Variants in STAB2 observed in about 807,000 individuals in gnomAD.
The protein encoded by STAB2 is stabilin 2, also known as stabilin-2.
Under a neutral mutation model 338.1 loss-of-function variants are expected in STAB2, and 288 were observed. That is an observed-to-expected ratio of 0.85 (90% confidence interval 0.77 to 0.94). The LOEUF (loss-of-function observed/expected upper bound fraction) is 0.94. Among genes scored for constraint, STAB2 ranks in the 40% least tolerant of loss-of-function variants. The probability of loss-of-function intolerance (pLI) is 0.00; values close to 1 mark genes in which losing one functional copy is unlikely to be tolerated. For synonymous variants in STAB2, 1,202 were observed against 1,193.3 expected (o/e 1.01, Z -0.15); for missense variants, 3,141 against 3,210.1 (o/e 0.98, Z 0.52).
chr12:103,706,773 C>T lies in STAB2; in HGVS notation c.3997-19C>T. ...CAGAGGATAGAAGTGCGTTGTCAAGCTTTGTCCTTCTGTTTCAGACGAGAG... is the reference window on the plus strand; with the variant it reads ...CAGAGGATAGAAGTGCGTTGTCAAGTTTTGTCCTTCTGTTTCAGACGAGAG... On this transcript the variant is annotated intron_variant, in intron 37 of 68. Coordinates refer to ENST00000388887, the MANE Select transcript of STAB2 (RefSeq NM_017564.10). The T allele has an allele frequency of 6.2e-7, 1 of 1,614,132 alleles. No individual in the cohort carries two copies. The highest frequency in any genetic ancestry group is 8.5e-7 in the Non-Finnish European group (1 of 1,179,980).
chr12:103,677,451 A>G lies in STAB2; in HGVS notation c.2647-2A>G. On this transcript the variant is annotated splice_acceptor_variant, in intron 24 of 68. Coordinates refer to ENST00000388887, the MANE Select transcript of STAB2 (RefSeq NM_017564.10). LOFTEE classifies it high-confidence loss of function. ...GCTTTGCTTTTTCTTTTCCTCCTGC[A>G]GGCAGAATGCATCAAAACTGGCACG... The G allele has an allele frequency of 1.2e-6, 2 of 1,604,112 alleles. No homozygotes were observed. The highest frequency in any genetic ancestry group is 1.7e-6 in the Non-Finnish European group (2 of 1,171,666).
chr12:103,598,440 A>C (rs890200560), intron 3 of STAB2, among the ~76,000 whole-genome samples: 1 of 152,230 alleles, frequency 6.6e-6, no homozygotes, highest in Non-Finnish European at 1.5e-5. Context: ...GTGGTGACCC[A>C]AGGAAATGTG....
rs1207214325 is a variant in STAB2 at position 103,658,307 on chromosome 12, G to A, written c.1735-2024G>A. Reference sequence around the variant, plus strand: ...GCCCTCATAAAAGAAAGAATGTGTCGCACCAAAAGGCTCTTCAACAACGAC... The same window carrying A: ...GCCCTCATAAAAGAAAGAATGTGTCACACCAAAAGGCTCTTCAACAACGAC... On this transcript the variant is annotated intron_variant, in intron 15 of 68. Transcript: ENST00000388887. Among the ~76,000 whole-genome samples the A allele has an allele frequency of 5.3e-5, 8 of 152,080 alleles. No individual in the cohort carries two copies. In the South Asian group the frequency reaches 8.3e-4, roughly 16 times the overall value.
chr12:103,604,290 G>A (rs1956994852), intron 3 of STAB2, among the ~76,000 whole-genome samples: 2 of 152,008 alleles, frequency 1.3e-5, no homozygotes, highest in Non-Finnish European at 2.9e-5. Context: ...AAAATTTTGT[G>A]TCTGTACTCA....
At position 103,660,359 on chromosome 12, in the gene STAB2, G is replaced by A. The variant is rs762732219; in HGVS notation, c.1763G>A (p.Arg588Lys). The change falls in exon 16 of 69, where the codon AGA becomes AAA. Residue 588 changes from arginine (R) to lysine (K), a missense_variant. Arg to Lys is a conservative substitution (Grantham distance 26). Transcript: ENST00000388887. ...TCTCGGAAGCTTCTGGAACTCGTCA[G>A]ATACCACATTGTCCCATTTACCCAG... ...EGSRKLLELV[R>K]YHIVPFTQLE... The A allele has an allele frequency of 1.9e-6, 3 of 1,614,184 alleles. No individual in the cohort carries two copies. In the Admixed American group the frequency reaches 5.0e-5, roughly 27 times the overall value.
chr12:103,723,585 GC>G (rs1880941071), intron 44 of STAB2, among the ~76,000 whole-genome samples: 1 of 152,232 alleles, frequency 6.6e-6, no homozygotes, highest in African/African-American at 2.4e-5. Context: ...AAAAGTGCAA[GC>G]ATCTGTGTAC....
At chr12:103,655,702 T>C in intron 15 of STAB2, 121 bp downstream of exon 15, 1 of 1,213,100 alleles carries the variant, frequency 8.2e-7, no homozygotes, top group Non-Finnish European at 1.1e-6. Context: ...CCACCTACCC[T>C]CCAACAACCA....
chr12:103,764,928 T>C (rs1350505683), intron 68 of STAB2, among the ~76,000 whole-genome samples: 1 of 118,540 alleles, frequency 8.4e-6, no homozygotes, highest in Non-Finnish European at 1.8e-5. Context: ...TGAAATCCCA[T>C]GTCTACTAAA....
chr12:103,666,242 G>T (rs2138791025), intron 18 of STAB2, 49 bp from the exon 19 acceptor site: 1 of 1,578,288 alleles, frequency 6.3e-7, no homozygotes, highest in Non-Finnish European at 8.7e-7. Flanking sequence ...CATCGCCACT[G>T]CTCCCTCTCA....
intron 3 of STAB2, among the ~76,000 whole-genome samples, chr12:103,600,896 G>A (rs150097843): frequency 1.4e-4 from 11 of 78,492 alleles, no homozygotes; most frequent in African/African-American, 1.1e-3. Flanking sequence ...TCCTGTCCTG[G>A]CTAAATTTTA....
intron 35 of STAB2, among the ~76,000 whole-genome samples, chr12:103,704,215 G>A (rs550106855): frequency 1.1e-3 from 166 of 152,342 alleles, no homozygotes; most frequent in African/African-American, 3.7e-3. Flanking sequence ...AATGTGCTCC[G>A]AAGCTGGGCA....
chr12:103,715,888 G>C lies in STAB2; in HGVS notation c.4611G>C (p.Gln1537His), dbSNP rs140626851. ...AGTGCACACAGACAGGACCCAACCA[G>C]GTGAGTGCCACCTCTCCCAGGCCCT... ...NAECTQTGPN[Q>H]AACNCLPAYT... Residue 1537 changes from glutamine to histidine, a missense_variant and splice_region_variant, in exon 43 of 69, where the codon CAG becomes CAC. Gln to His is a conservative substitution (Grantham distance 24, BLOSUM62 0). Coordinates refer to ENST00000388887, the MANE Select transcript of STAB2 (RefSeq NM_017564.10). 15 of 1,613,966 alleles carry C rather than the reference G, an allele frequency of 9.3e-6. No homozygotes were observed. In the African/African-American group the frequency reaches 2.0e-4, roughly 22 times the overall value.
At chr12:103,648,118 T>C (rs1873465132) in intron 9 of STAB2, among the ~76,000 whole-genome samples, 1 of 152,138 alleles carries the variant, frequency 6.6e-6, no homozygotes, top group South Asian at 2.1e-4. Context: ...TGATCGCTGC[T>C]ATGGAGAAGA....
At chr12:103,691,737 G>A (rs1877955600) in intron 30 of STAB2, among the ~76,000 whole-genome samples, 1 of 152,160 alleles carries the variant, frequency 6.6e-6, no homozygotes, top group African/African-American at 2.4e-5. Flanking sequence ...TCATTCCTAT[G>A]TCCTATATAA....
rs7296626 is a variant in STAB2 at position 103,755,473 on chromosome 12, C to T, written c.6880+6C>T. 1,522,548 of 1,613,166 alleles carry T rather than the reference C, an allele frequency of 0.94. 718,808 individuals carry two copies. Among genetic ancestry groups the T allele is most frequent in the East Asian group, 1 (44,831 of 44,836 alleles). ...CTTCTGCTATCGGATGAAAGGTAAC[C>T]GCCCCAGCTACACTTCAGGTTCTGG... On this transcript the variant is annotated splice_donor_region_variant and intron_variant, in intron 62 of 68. Coordinates refer to ENST00000388887, the MANE Select transcript of STAB2 (RefSeq NM_017564.10).
chr12:103,686,443 C>A (rs74789426), intron 27 of STAB2, among the ~76,000 whole-genome samples: 3 of 152,154 alleles, frequency 2.0e-5, no homozygotes, highest in Non-Finnish European at 4.4e-5. Flanking sequence ...TCTCCTCCCA[C>A]GAAAAGCAAA....
In STAB2 at chr12:103,590,916, A is replaced by G. The variant is rs2138525806; in HGVS notation, c.101A>G (p.Lys34Arg). Reference sequence around the variant, plus strand: ...ACACAGGCAAGAAGATGTGATAGGAAGTCTCTTCTTACAATTAGGACCGAG... The same window carrying G: ...ACACAGGCAAGAAGATGTGATAGGAGGTCTCTTCTTACAATTAGGACCGAG... ...TTGQARRCDR[K>R]SLLTIRTECR... Residue 34 changes from lysine to arginine, a missense_variant, in exon 2 of 69, where the codon AAG becomes AGG. By Grantham distance (26) the Lys-to-Arg change is conservative. Coordinates refer to ENST00000388887, the MANE Select transcript of STAB2 (RefSeq NM_017564.10). 6.2e-7 allele frequency: 1 copy of G among 1,614,116 alleles called. No individual in the cohort carries two copies. Among genetic ancestry groups the G allele is most frequent in the Non-Finnish European group, 8.5e-7 (1 of 1,180,006 alleles).
chr12:103,648,832 C>A lies in STAB2; in HGVS notation c.1174+9C>A, dbSNP rs757935316. ...TTTCATCTCACTCCTAGGTACGCAG[C>A]TATGGGTACAGATTTCCACACAAAA... On this transcript the variant is annotated intron_variant, in intron 10 of 68. Coordinates refer to ENST00000388887, the MANE Select transcript of STAB2 (RefSeq NM_017564.10). 6.2e-7 allele frequency: 1 copy of A among 1,612,336 alleles called. No individual in the cohort carries two copies. The highest frequency in any genetic ancestry group is 2.2e-5 in the East Asian group (1 of 44,866).
chr12:103,758,310 C>T, intron 64 of STAB2, 21 bp downstream of exon 64: 1 of 1,611,380 alleles, frequency 6.2e-7, no homozygotes, highest in South Asian at 1.1e-5. Context: ...TCCCTGGTGC[C>T]TTTGCTTTAG....
Sources: allele counts gnomAD v4.1 joint callset (sites outside exome capture counted in the v4.1 genomes callset), GRCh38; gene constraint gnomAD v4.1.1; transcripts MANE v1.5; gene names NCBI Gene and HGNC (gene_info 2026-07-23, HGNC 2026-07-21).